The following MTCH1 variants were observed in gnomAD, a reference collection of about 807,000 sequenced individuals.
The protein encoded by MTCH1 is mitochondrial carrier 1.
MTCH1 carries 23 observed loss-of-function variants against 49.3 expected under a neutral mutation model. That is an observed-to-expected ratio of 0.47 (90% CI 0.34 to 0.66). The LOEUF is 0.66. Among genes scored for constraint, MTCH1 ranks in the 30% least tolerant of loss-of-function variants. The pLI is 0.01. For missense variants in MTCH1, 397 were observed against 532.1 expected, an observed-to-expected ratio of 0.75 and a Z score of 2.50; for synonymous variants, 229 against 215.2, an observed-to-expected ratio of 1.06 and a Z score of -0.56.
chr6:36,972,741 G>C lies in MTCH1; in HGVS notation c.817C>G (p.Leu273Val). Residue 273 changes from leucine to valine, a missense_variant, in exon 8 of 12, where the codon CTG becomes GTG. By Grantham distance (32) the Leu-to-Val change is conservative (BLOSUM62 1). Transcript: ENST00000373627. The surrounding 1 kb of genome is among the most constrained non-coding windows in gnomAD (Gnocchi z 4.1). ...AGGTAGGCATTGATGAAGTGGGCCA[G>C]CAGGTTACAGCCCCACAAGAAAACC... is the stretch of plus-strand genomic sequence containing the variant. ...DVVFLWGCNLLAHFINAYLVD... is the reference protein window; with the variant it reads ...DVVFLWGCNLVAHFINAYLVD... 1 of 1,553,652 alleles carries C rather than the reference G, an allele frequency of 6.4e-7. No homozygotes were observed. The highest frequency in any genetic ancestry group is 1.4e-5 in the African/African-American group (1 of 73,300).
chr6:36,970,302 C>A, intron 10 of MTCH1, 104 bp downstream of exon 10: 1 of 1,512,994 alleles, frequency 6.6e-7, no homozygotes, highest in Non-Finnish European at 9.1e-7. Context: ...CAAGCCTACA[C>A]ACAGAGCAGG....
In MTCH1 at chr6:36,970,493, G is replaced by A; in HGVS notation, c.955-20C>T. The stretch of plus-strand genomic sequence containing the variant: ...TGCAATCTGAAACCCAGAGAGGCCT[G>A]AGTGCCAGTGACCCACCCCGGCCCA... On this transcript the variant is annotated intron_variant, in intron 9 of 11. Coordinates refer to ENST00000373627, the MANE Select transcript of MTCH1 (RefSeq NM_001271641.2). The A allele has an allele frequency of 6.2e-7, 1 of 1,614,022 alleles. No homozygotes were observed. Among genetic ancestry groups the A allele is most frequent in the Non-Finnish European group, 8.5e-7 (1 of 1,179,930 alleles).
At chr6:36,981,002 A>G (rs1406472341) in intron 2 of MTCH1, among the ~76,000 whole-genome samples, 1 of 152,230 alleles carries the variant, frequency 6.6e-6, no homozygotes, top group African/African-American at 2.4e-5. Context: ...CAAGGGGTGC[A>G]GCCAGGCCAC....
In MTCH1 at chr6:36,968,246, T is replaced by G. The variant is rs1389941690; in HGVS notation, c.*657A>C. 6.1e-6 allele frequency: 1 copy of G among 163,388 alleles called. No homozygotes were observed. The highest frequency in any genetic ancestry group is 1.3e-5 in the Non-Finnish European group (1 of 74,282). The allele number at this position is 163,388 out of a possible 1,614,324, so 10.1% of individuals were successfully genotyped here. ...ACTGATCTGCCCAACCTCTGGGTAT[T>G]CACAACTGCACAGGTAACCAGATCC... is the stretch of plus-strand genomic sequence containing the variant. On this transcript the variant is annotated 3_prime_UTR_variant, in exon 12 of 12. Transcript: ENST00000373627.
At position 36,968,526 on chromosome 6, in the gene MTCH1, T is replaced by C; in HGVS notation, c.*377A>G. 1 of 366,996 alleles carries C rather than the reference T, an allele frequency of 2.7e-6. No individual in the cohort carries two copies. The highest frequency in any genetic ancestry group is 5.3e-6 in the Non-Finnish European group (1 of 187,450). 22.7% of individuals were successfully genotyped at this position (366,996 alleles called of 1,614,324 possible). On this transcript the variant is annotated 3_prime_UTR_variant, in exon 12 of 12. Transcript: ENST00000373627. ...CCCAGCTGAGCTGCAGGATGGGCGC[T>C]GGGCTGACTGGAGGGGTAGACGGGG...
At chr6:36,971,060 T>C (rs755587721) in intron 8 of MTCH1, 28 of 330,146 alleles carry the variant, frequency 8.5e-5, no homozygotes, top group Non-Finnish European at 1.6e-4. Context: ...TCCTGGCCTG[T>C]GGGGTGAGGT....
At chr6:36,969,276 G>A in intron 11 of MTCH1, 1 of 985,434 alleles carries the variant, frequency 1.0e-6, no homozygotes, top group Non-Finnish European at 1.2e-6. Flanking sequence ...TGCTCATAGG[G>A]AGGACGAGAC....
intron 6 of MTCH1, chr6:36,976,356 A>T (rs1248609869): frequency 2.8e-6 from 1 of 353,440 alleles, no homozygotes; most frequent in Admixed American, 4.0e-5. Flanking sequence ...GAAGCTCAAT[A>T]ACAACCTACT....
At chr6:36,969,445 A>C in intron 11 of MTCH1, 1 of 1,067,436 alleles carries the variant, frequency 9.4e-7, no homozygotes, top group Non-Finnish European at 1.1e-6. Flanking sequence ...AGGAAAAGGC[A>C]AGGTTCTGCC....
rs1456753217 is a variant in MTCH1 at position 36,968,490 on chromosome 6, A to T, written c.*413T>A. The T allele has an allele frequency of 2.8e-5, 10 of 357,804 alleles. No homozygotes were observed. Among genetic ancestry groups the T allele is most frequent in the African/African-American group, 1.3e-4 (6 of 46,738 alleles). 22.2% of individuals were successfully genotyped at this position (357,804 alleles called of 1,614,324 possible). A position where few individuals can be genotyped will look rare whatever the true frequency, so the allele number is the denominator to read the frequency against. Reference sequence around the variant, plus strand: ...GACCACACCCTATGTACAAAGCAGGAGAATGATGCTCCCAGCTGAGCTGCA... The same window carrying T: ...GACCACACCCTATGTACAAAGCAGGTGAATGATGCTCCCAGCTGAGCTGCA... On this transcript the variant is annotated 3_prime_UTR_variant, in exon 12 of 12. Coordinates refer to ENST00000373627, the MANE Select transcript of MTCH1 (RefSeq NM_001271641.2).
At chr6:36,981,414 C>G (rs1015415326) in intron 2 of MTCH1, among the ~76,000 whole-genome samples, 174 bp downstream of exon 2, 2 of 152,214 alleles carry the variant, frequency 1.3e-5, no homozygotes, top group African/African-American at 4.8e-5. Context: ...TATGGTTCAC[C>G]TGCTCGCACC....
chr6:36,983,769 C>T (rs1764192964), intron 1 of MTCH1, among the ~76,000 whole-genome samples: 1 of 152,100 alleles, frequency 6.6e-6, no homozygotes, highest in African/African-American at 2.4e-5. Context: ...TAGACAATCC[C>T]CAAATCTGTC....
chr6:36,977,676 T>A lies in MTCH1; in HGVS notation c.607A>T (p.Met203Leu), dbSNP rs1763936433. ...AACATGCGGGACACACACTGCATCA[T>A]CATCTCGTAGGAGGTCTGGAAGAGA... ...KVVKETSYEM[M>L]MQCVSRMLAH... is the part of the protein sequence containing the mutation. Residue 203 changes from methionine (M) to leucine (L), a missense_variant, in exon 5 of 12, where the codon ATG (methionine) becomes TTG (leucine). By Grantham distance (15) the Met-to-Leu change is conservative. Transcript: ENST00000373627. This position sits in a 1 kb window ranked among gnomAD's most constrained non-coding sequence, Gnocchi z 5.4. 1 of 1,610,174 alleles carries A rather than the reference T, an allele frequency of 6.2e-7. No individual in the cohort carries two copies. Among genetic ancestry groups the A allele is most frequent in the Non-Finnish European group, 8.5e-7 (1 of 1,178,334 alleles).
At position 36,986,168 on chromosome 6, in the gene MTCH1, T is replaced by C; in HGVS notation, c.6A>G (p.Gly2=). The C allele has an allele frequency of 2.8e-6, 4 of 1,428,020 alleles. No homozygotes were observed. Among genetic ancestry groups the C allele is most frequent in the Non-Finnish European group, 3.6e-6 (4 of 1,099,424 alleles). 88.5% of individuals were successfully genotyped at this position (1,428,020 alleles called of 1,614,324 possible). A position where few individuals can be genotyped will look rare whatever the true frequency, so the allele number is the denominator to read the frequency against. The part of the protein sequence containing the change: M[G]ASDPEVAPWA... ...AGGGCGCCACTTCCGGGTCCGAAGC[T>C]CCCATGGCGCCCGGCGGCGAGGTCA... Residue 2 remains glycine (G), a synonymous_variant, in exon 1 of 12, where the codon GGA becomes GGG. Coordinates refer to ENST00000373627, the MANE Select transcript of MTCH1 (RefSeq NM_001271641.2).
rs148957702 is a variant in MTCH1, at chr6:36,975,594, T to G, written c.761+64A>C. On this transcript the variant is annotated intron_variant, in intron 7 of 11. Coordinates refer to ENST00000373627, the MANE Select transcript of MTCH1 (RefSeq NM_001271641.2). ...GGCCAGCAGCTGCGGTCTGAGAGGT[T>G]GAGGACACACCTGTTAGCAGAGCCA... 9.7e-5 allele frequency: 147 copies of G among 1,523,170 alleles called. No homozygotes were observed. The African/African-American group carries it at 1.9e-3, about 19-fold the overall frequency. The allele number at this position is 1,523,170 out of a possible 1,614,324, so 94.4% of individuals were successfully genotyped here. A position where few individuals can be genotyped will look rare whatever the true frequency, so the allele number is the denominator to read the frequency against.
At chr6:36,970,729 G>A in intron 8 of MTCH1, 35 bp from the exon 9 acceptor site, 1 of 1,608,374 alleles carries the variant, frequency 6.2e-7, no homozygotes, top group Non-Finnish European at 8.5e-7. Flanking sequence ...GTTTGCCACA[G>A]GCACCTCAGG....
At chr6:36,969,074 C>G in intron 11 of MTCH1, 100 bp from the exon 12 acceptor site, 3 of 1,515,796 alleles carry the variant, frequency 2.0e-6, no homozygotes, top group Middle Eastern at 2.3e-4. Context: ...TCCAGGAGCT[C>G]AAAGACCCAG....
At chr6:36,983,606 C>T (rs1213354976) in intron 1 of MTCH1, among the ~76,000 whole-genome samples, 1 of 152,200 alleles carries the variant, frequency 6.6e-6, no homozygotes, top group African/African-American at 2.4e-5. Flanking sequence ...CCAATTTCAA[C>T]CTCAAATCTG....
At chr6:36,978,635 A>G (rs746507224) in intron 2 of MTCH1, 24 bp from the exon 3 acceptor site, 1 of 1,609,602 alleles carries the variant, frequency 6.2e-7, no homozygotes, top group East Asian at 2.2e-5. Context: ...GAGGTGGCAG[A>G]GGAGTCACAC....
Sources: allele counts gnomAD v4.1 joint callset (sites outside exome capture counted in the v4.1 genomes callset), GRCh38; gene constraint gnomAD v4.1.1; non-coding constraint Gnocchi (gnomAD v3.1); transcripts MANE v1.5; gene names NCBI Gene and HGNC (gene_info 2026-07-23, HGNC 2026-07-21).